The following FABP3 variants were observed in gnomAD, a reference collection of about 807,000 sequenced individuals.
FABP3 encodes the protein fatty acid binding protein 3.
Under a neutral mutation model 13.4 loss-of-function variants are expected in FABP3, and 8 were observed. That is an observed-to-expected ratio of 0.60 (90% confidence interval 0.35 to 1.07). FABP3 has a LOEUF of 1.07. Ranked by LOEUF, FABP3 falls within the 50% of genes least tolerant of loss-of-function variation. The pLI, the probability that FABP3 is intolerant of heterozygous loss-of-function variation, is 0.02. For missense variants in FABP3, 135 were observed against 164.7 expected, an observed-to-expected ratio of 0.82 and a Z score of 0.99; for synonymous variants, 64 against 60.0, an observed-to-expected ratio of 1.07 and a Z score of -0.31.
In FABP3 at chr1:31,372,929, G is replaced by T. The variant is rs768256496; in HGVS notation, c.73+13C>A. The T allele has an allele frequency of 5.0e-6, 8 of 1,612,158 alleles. No individual in the cohort carries two copies. The highest frequency in any genetic ancestry group is 6.8e-6 in the Non-Finnish European group (8 of 1,179,728). ...TCCCCAAGCCAACATCCTGAGCCCC[G>T]CGGCTTGCTCACCGAGTGACTTCAT... is the stretch of plus-strand genomic sequence containing the variant. On this transcript the variant is annotated intron_variant, in intron 1 of 3. Transcript: ENST00000373713.
At position 31,369,486 on chromosome 1, in the gene FABP3, T is replaced by C. The variant is rs1170285369; in HGVS notation, c.145A>G (p.Ile49Val). 1 of 1,614,214 alleles carries C rather than the reference T, an allele frequency of 6.2e-7. No individual in the cohort carries two copies. Among genetic ancestry groups the C allele is most frequent in the Admixed American group, 1.7e-5 (1 of 60,032 alleles). Residue 49 changes from isoleucine (I) to valine (V), a missense_variant, in exon 2 of 4, where the codon ATT (isoleucine) becomes GTT (valine). Physicochemically the swap from Ile to Val is conservative, Grantham distance 29. Transcript: ENST00000373713. ...GTGCTGTGTGTTTTTAGGGTGAGAA[T>C]GTCCCCATTCTTTTCGATGATTGTG... ...PTTIIEKNGD[I>V]LTLKTHSTFK...
chr1:31,368,286 G>A (rs867581650), intron 2 of FABP3, among the ~76,000 whole-genome samples: 10 of 152,316 alleles, frequency 6.6e-5, no homozygotes, highest in Admixed American at 2.0e-4. Context: ...TATGAGGCCT[G>A]TCTCTTAGTG....
chr1:31,362,369 A>G (rs1639939814), downstream of FABP3, among the ~76,000 whole-genome samples: 3 of 152,070 alleles, frequency 2.0e-5, no homozygotes, highest in African/African-American at 7.2e-5. Flanking sequence ...CTCCTCCCAT[A>G]CTTTCTCCCT....
Position 31,365,818 on chromosome 1 carries a change from A to G in FABP3, c.*68T>C. 7.2e-7 allele frequency: 1 copy of G among 1,388,202 alleles called. No homozygotes were observed. Among genetic ancestry groups the G allele is most frequent in the Non-Finnish European group, 1.0e-6 (1 of 976,808 alleles). 86.0% of individuals were successfully genotyped at this position (1,388,202 alleles called of 1,614,324 possible). ...TGTACAAAATGCAGAGGAAGAAATG[A>G]GGCAATGTGGTGCTGAGTCGAGGGG... On this transcript the variant is annotated 3_prime_UTR_variant, in exon 4 of 4. Transcript: ENST00000373713.
At chr1:31,372,522 C>T (rs917431936) in intron 1 of FABP3, among the ~76,000 whole-genome samples, 1 of 152,194 alleles carries the variant, frequency 6.6e-6, no homozygotes, top group Non-Finnish European at 1.5e-5. Context: ...GTATTTCCTA[C>T]TTGTTTACAT....
intron 2 of FABP3, 57 bp downstream of exon 2, chr1:31,369,328 T>G: frequency 6.4e-7 from 1 of 1,570,668 alleles, no homozygotes; most frequent in Non-Finnish European, 8.7e-7. Context: ...ACTACCAGCC[T>G]ATTCTCTTTT....
rs191192801 is a variant in FABP3, at chr1:31,372,988, C to T, written c.27G>A (p.Trp9Ter). The T allele has an allele frequency of 6.2e-7, 1 of 1,614,078 alleles. No individual in the cohort carries two copies. Residue 9 changes from tryptophan (W) to a stop codon, truncating the protein, a stop_gained, in exon 1 of 4, where the codon TGG (tryptophan) becomes TGA (stop). Transcript: ENST00000373713. LOFTEE classifies it high-confidence loss of function. Reference protein sequence around the residue: MVDAFLGTWKLVDSKNFDD... With the variant: MVDAFLGT ...CGAAATTCTTGCTGTCCACTAGCTT[C>T]CAGGTGCCCAGGAAAGCGTCCACCA...
At position 31,365,913 on chromosome 1, in the gene FABP3, G is replaced by A. The variant is rs376904316; in HGVS notation, c.375C>T (p.Cys125=). Residue 125 remains cysteine, a synonymous_variant, in exon 4 of 4, where the codon TGC becomes TGT. Transcript: ENST00000373713. The part of the protein sequence containing the change: ...ILTLTHGTAV[C]TRTYEKEA Reference sequence around the variant, plus strand: ...ATGCCTCTTTCTCATAAGTGCGAGTGCAAACTGCAGTGCCGTGGGTGAGTG... The same window carrying A: ...ATGCCTCTTTCTCATAAGTGCGAGTACAAACTGCAGTGCCGTGGGTGAGTG... The A allele has an allele frequency of 3.7e-6, 6 of 1,613,864 alleles. No homozygotes were observed. Among genetic ancestry groups the A allele is most frequent in the East Asian group, 2.2e-5 (1 of 44,878 alleles).
the FABP3 span, among the ~76,000 whole-genome samples, chr1:31,359,789 A>G: frequency 6.6e-6 from 1 of 152,192 alleles, no homozygotes; most frequent in South Asian, 2.1e-4. Flanking sequence ...TCACACTCCT[A>G]TGCCATTTAA....
At chr1:31,360,854 A>G (rs1250228587), downstream of FABP3, among the ~76,000 whole-genome samples, 2 of 152,204 alleles carry the variant, frequency 1.3e-5, no homozygotes, top group East Asian at 3.9e-4. Context: ...ATAATAACTC[A>G]TGAAGTTTGA....
downstream of FABP3, chr1:31,364,511 T>G: frequency 2.9e-6 from 1 of 346,180 alleles, no homozygotes; most frequent in Non-Finnish European, 5.3e-6. Flanking sequence ...CAGAGCTGGA[T>G]TCCTGTAAAG....
chr1:31,364,196 G>A, downstream of FABP3: 1 of 1,612,238 alleles, frequency 6.2e-7, no homozygotes, highest in Non-Finnish European at 8.5e-7. Flanking sequence ...AGGAGTGAGA[G>A]TATAAAGAGT....
downstream of FABP3, chr1:31,364,366 G>A: frequency 1.7e-6 from 2 of 1,181,464 alleles, no homozygotes; most frequent in Non-Finnish European, 2.3e-6. Flanking sequence ...GAGGTCAAAA[G>A]CAGCTGCCTG....
intron 2 of FABP3, chr1:31,369,183 A>G (rs199952427): frequency 1.7e-6 from 1 of 586,626 alleles, no homozygotes; most frequent in Non-Finnish European, 3.0e-6. Context: ...GAAGGGAGGG[A>G]AGAAAACAAG....
In FABP3 at chr1:31,367,506, G is replaced by C; in HGVS notation, c.247-12C>G. ...AGTGTCACAATGGACTGTGGAAAGA[G>C]GGTAGAGGCCTGAGCTGTGATCTTA... On this transcript the variant is annotated splice_polypyrimidine_tract_variant and intron_variant, in intron 2 of 3. Transcript: ENST00000373713. The C allele has an allele frequency of 6.2e-7, 1 of 1,608,040 alleles. No individual in the cohort carries two copies. The highest frequency in any genetic ancestry group is 8.5e-7 in the Non-Finnish European group (1 of 1,174,440).
In FABP3 at chr1:31,369,359, TC is replaced by T. The variant is rs431905487; in HGVS notation, c.246+25del. On this transcript the variant is annotated intron_variant, in intron 2 of 3. Coordinates refer to ENST00000373713, the MANE Select transcript of FABP3 (RefSeq NM_004102.5). ...CTTTTAGAGTCTCAGCACTCTCCAT[TC>T]CCCACCCCTGTTTCCCTGACTTACC... 15 of 1,611,214 alleles carry T rather than the reference TC, an allele frequency of 9.3e-6. No individual in the cohort carries two copies. In the East Asian group the frequency reaches 3.1e-4, roughly 34 times the overall value.
chr1:31,362,804 C>T (rs1204851650), downstream of FABP3, among the ~76,000 whole-genome samples: 4 of 152,128 alleles, frequency 2.6e-5, no homozygotes, highest in Non-Finnish European at 5.9e-5. Context: ...GGGCGCCTTT[C>T]AGCTTTAATG....
chr1:31,369,403 T>C lies in FABP3; in HGVS notation c.228A>G (p.Ala76=). The C allele has an allele frequency of 6.2e-7, 1 of 1,614,178 alleles. No homozygotes were observed. Among genetic ancestry groups the C allele is most frequent in the Non-Finnish European group, 8.5e-7 (1 of 1,180,026 alleles). Residue 76 remains alanine, a synonymous_variant, in exon 2 of 4, where the codon GCA becomes GCG. Transcript: ENST00000373713. The stretch of plus-strand genomic sequence containing the variant: ...GACTTACCTTGACCTTCCTGTCATC[T>C]GCTGTTGTCTCATCGAACTCCACCC... ...KLGVEFDETT[A]DDRKVKSIVT...
chr1:31,364,271 TAGTG>T (rs1640047587), downstream of FABP3: 11 of 1,510,226 alleles, frequency 7.3e-6, no homozygotes, highest in East Asian at 7.3e-5. Flanking sequence ...AAAGACTCAA[TAGTG>T]AGAATATAGC....
Sources: gnomAD v4.1 joint callset for allele counts (sites outside exome capture counted in the v4.1 genomes callset) on GRCh38, gnomAD v4.1.1 for gene constraint, MANE v1.5 for transcripts, NCBI Gene and HGNC (gene_info 2026-07-23, HGNC 2026-07-21) for gene names.